The following COL25A1 variants were observed in gnomAD, a reference collection of about 807,000 sequenced individuals.
The protein encoded by COL25A1 is collagen type XXV alpha 1 chain, also known as collagen alpha-1(XXV) chain.
COL25A1 carries 103 observed loss-of-function variants against 128.4 expected under a neutral mutation model. The ratio of observed to expected loss-of-function variants is 0.80; its 90% CI spans 0.68 to 0.94. The LOEUF is 0.94. Ranked by LOEUF, COL25A1 falls within the 40% of genes least tolerant of loss-of-function variation. COL25A1 has a pLI of 0.00. For missense variants in COL25A1, 745 were observed against 840.0 expected (o/e 0.89, Z 1.40); for synonymous variants, 279 against 277.2 (o/e 1.01, Z -0.06).
intron 8 of COL25A1, among the ~76,000 whole-genome samples, chr4:108,944,175 G>A (rs1031911777): frequency 2.6e-5 from 4 of 152,118 alleles, no homozygotes; most frequent in African/African-American, 9.7e-5. Context: ...TGCCAAATCC[G>A]TTCTGATAAG....
At chr4:109,227,825 G>A (rs1778906695) in intron 3 of COL25A1, among the ~76,000 whole-genome samples, 1 of 152,138 alleles carries the variant, frequency 6.6e-6, no homozygotes, top group African/African-American at 2.4e-5. Context: ...TTTATTAGGG[G>A]AATTGATTCA....
intron 3 of COL25A1, among the ~76,000 whole-genome samples, chr4:109,119,066 A>C (rs962462939): frequency 6.6e-6 from 1 of 152,100 alleles, no homozygotes; most frequent in Admixed American, 6.6e-5. Context: ...CAGCTAAAAC[A>C]TCCCAAAATA....
At chr4:109,259,271 CA>C (rs1781279691) in intron 3 of COL25A1, among the ~76,000 whole-genome samples, 1 of 152,090 alleles carries the variant, frequency 6.6e-6, no homozygotes, top group African/African-American at 2.4e-5. Context: ...GAAAAAAAAT[CA>C]ATGAAGGTTT....
chr4:108,854,826 T>C (rs565749163), intron 24 of COL25A1, among the ~76,000 whole-genome samples: 1 of 152,228 alleles, frequency 6.6e-6, no homozygotes, highest in African/African-American at 2.4e-5. Flanking sequence ...GATCTAGAAC[T>C]AGCAATACCA....
chr4:109,116,675 G>A (rs558134306), intron 3 of COL25A1, among the ~76,000 whole-genome samples: 1 of 152,094 alleles, frequency 6.6e-6, no homozygotes, highest in East Asian at 1.9e-4. Context: ...CAGAACCAGA[G>A]TCAGATATGA....
chr4:108,820,972 G>A (rs1460191851), intron 35 of COL25A1, among the ~76,000 whole-genome samples: 1 of 152,132 alleles, frequency 6.6e-6, no homozygotes, highest in Non-Finnish European at 1.5e-5. Flanking sequence ...TATAGACAGG[G>A]AGTTAGTGCC....
intron 3 of COL25A1, among the ~76,000 whole-genome samples, chr4:109,209,334 GA>G (rs11330834): frequency 0.98 from 147,645 of 151,306 alleles, 72,060 homozygotes; most frequent in East Asian, 1. Context: ...GATAATGCCA[GA>G]AAAAAAAAAT....
chr4:109,301,961 G>C lies in COL25A1; in HGVS notation c.59C>G (p.Pro20Arg). 6.2e-7 allele frequency: 1 copy of C among 1,611,952 alleles called. No homozygotes were observed. The highest frequency in any genetic ancestry group is 8.5e-7 in the Non-Finnish European group (1 of 1,179,410). The change falls in exon 2 of 38, where the codon CCG becomes CGG. Residue 20 changes from proline to arginine, a missense_variant. Transcript: ENST00000399132. ...GGGREPRSEDPTPAEQHCART... is the reference protein window; with the variant it reads ...GGGREPRSEDRTPAEQHCART... ...GGCACAATGCTGTTCGGCAGGGGTC[G>C]GGTCCTCGGATCTGGGCTCCCGGCC...
intron 6 of COL25A1, among the ~76,000 whole-genome samples, chr4:108,984,339 C>A (rs1406719810): frequency 6.6e-6 from 1 of 152,224 alleles, no homozygotes; most frequent in Non-Finnish European, 1.5e-5. Flanking sequence ...CCAGTGGATC[C>A]CGCACAGGGG....
chr4:109,298,015 T>C (rs1042571047), intron 3 of COL25A1, among the ~76,000 whole-genome samples: 7 of 151,922 alleles, frequency 4.6e-5, no homozygotes, highest in Non-Finnish European at 1.0e-4. Context: ...TTATTCTCTA[T>C]TCCTTGGTAG....
chr4:108,969,948 C>A (rs1264605084), intron 8 of COL25A1, among the ~76,000 whole-genome samples: 2 of 150,772 alleles, frequency 1.3e-5, no homozygotes, highest in African/African-American at 5.0e-5. Flanking sequence ...GTTGCCCAGG[C>A]TGGAGTGCAA....
At chr4:108,918,254 C>T (rs977112440) in intron 12 of COL25A1, 38 bp from the exon 13 acceptor site, 18 of 1,419,178 alleles carry the variant, frequency 1.3e-5, no homozygotes, top group Non-Finnish European at 1.6e-5. Flanking sequence ...TGATATCATA[C>T]ACAAAATATT....
At chr4:109,190,934 G>C (rs1276033320) in intron 3 of COL25A1, among the ~76,000 whole-genome samples, 1 of 152,138 alleles carries the variant, frequency 6.6e-6, no homozygotes, top group Non-Finnish European at 1.5e-5. Context: ...TCTAAAATAA[G>C]ACTTTGAGAA....
chr4:109,012,795 G>A (rs988182381), intron 5 of COL25A1, among the ~76,000 whole-genome samples: 4 of 152,192 alleles, frequency 2.6e-5, no homozygotes, highest in South Asian at 2.1e-4. Flanking sequence ...CCTCCCTGAC[G>A]GGTGCCGCCC....
At chr4:109,010,806 A>C (rs1411722636) in intron 5 of COL25A1, among the ~76,000 whole-genome samples, 2 of 152,226 alleles carry the variant, frequency 1.3e-5, no homozygotes, top group East Asian at 1.9e-4. Flanking sequence ...GTTTTAAAAA[A>C]ACAAAGGCAG....
At chr4:108,819,858 T>G in intron 35 of COL25A1, 1 of 1,231,862 alleles carries the variant, frequency 8.1e-7, no homozygotes, top group Non-Finnish European at 1.0e-6. Flanking sequence ...TTCTCCTTTC[T>G]CCCCTTTAGG....
At chr4:108,858,966 C>T (rs1736842958) in intron 24 of COL25A1, among the ~76,000 whole-genome samples, 4 of 151,912 alleles carry the variant, frequency 2.6e-5, no homozygotes, top group Admixed American at 2.6e-4. Flanking sequence ...AGAGAAGATG[C>T]AACAGAATGA....
chr4:109,245,007 T>C (rs1219689774), intron 3 of COL25A1, among the ~76,000 whole-genome samples: 1 of 152,086 alleles, frequency 6.6e-6, no homozygotes, highest in African/African-American at 2.4e-5. Context: ...AAAGTAAACC[T>C]CCAACTTTCT....
At chr4:109,259,261 G>GA (rs941333102) in intron 3 of COL25A1, among the ~76,000 whole-genome samples, 48 of 151,744 alleles carry the variant, frequency 3.2e-4, no homozygotes, top group African/African-American at 1.1e-3. Context: ...TTCACAATGA[G>GA]AAAAAAAATC....
Sources: gnomAD v4.1 joint callset for allele counts (sites outside exome capture counted in the v4.1 genomes callset) on GRCh38, gnomAD v4.1.1 for gene constraint, MANE v1.5 for transcripts, NCBI Gene and HGNC (gene_info 2026-07-23, HGNC 2026-07-21) for gene names.